The following SEMA6D variants were observed in gnomAD, a reference collection of about 807,000 sequenced individuals.
The protein encoded by SEMA6D is semaphorin 6D.
SEMA6D carries 35 observed loss-of-function variants against 106.6 expected under a neutral mutation model. That is an observed-to-expected ratio of 0.33 (90% CI 0.25 to 0.44). The LOEUF is 0.44. SEMA6D is among the 20% of genes least tolerant of loss of function. The pLI, the probability that SEMA6D is intolerant of heterozygous loss-of-function variation, is 1.00. For synonymous variants in SEMA6D, 499 were observed against 487.7 expected (o/e 1.02, Z -0.31); for missense variants, 1,185 against 1,345.9 (o/e 0.88, Z 1.87).
At position 47,771,616 on chromosome 15, in the gene SEMA6D, G is replaced by GT. The variant is rs1182196746; in HGVS notation, c.3054dup (p.Val1019CysfsTer16). The stretch of plus-strand genomic sequence containing the variant: ...GACTATATTCAGGGAACACCAGTGA[G>GT]TGTTCATCTGCAGCCTTCCCTCTCC... On this transcript the variant is annotated frameshift_variant, in exon 19 of 19. Coordinates refer to ENST00000536845, the MANE Select transcript of SEMA6D (RefSeq NM_001358351.3). LOFTEE classifies it high-confidence loss of function. 3 of 1,614,020 alleles carry GT rather than the reference G, an allele frequency of 1.9e-6. No individual in the cohort carries two copies. In the African/African-American group the frequency reaches 4.0e-5, roughly 22 times the overall value.
At chr15:47,221,514 T>C (rs1357853823) in intron 1 of SEMA6D, among the ~76,000 whole-genome samples, 1 of 152,116 alleles carries the variant, frequency 6.6e-6, no homozygotes, top group Non-Finnish European at 1.5e-5. Flanking sequence ...ATGACATCTG[T>C]AAATGGAAAA....
chr15:47,316,102 C>CTTTTTTTTT (rs67090828), intron 1 of SEMA6D, among the ~76,000 whole-genome samples: 3,783 of 81,422 alleles, frequency 0.046, 522 homozygotes, highest in Non-Finnish European at 0.059. Flanking sequence ...CATTTATTTC[C>CTTTTTTTTT]TTTTTTTTGA....
intron 1 of SEMA6D, among the ~76,000 whole-genome samples, chr15:47,411,131 T>G (rs1402242600): frequency 5.3e-5 from 8 of 152,076 alleles, no homozygotes; most frequent in Non-Finnish European, 1.5e-5. Flanking sequence ...AGTCTCACTC[T>G]GTTGCCCAGG....
chr15:47,270,388 A>G (rs141584108), intron 1 of SEMA6D, among the ~76,000 whole-genome samples: 1 of 152,018 alleles, frequency 6.6e-6, no homozygotes, highest in African/African-American at 2.4e-5. Context: ...AGGATTTTCT[A>G]CATAGATAAT....
chr15:47,516,499 T>C (rs1432463123), intron 3 of SEMA6D, among the ~76,000 whole-genome samples: 1 of 152,148 alleles, frequency 6.6e-6, no homozygotes, highest in Non-Finnish European at 1.5e-5. Flanking sequence ...AAAGCCTAAT[T>C]TATTATCTGA....
intron 4 of SEMA6D, among the ~76,000 whole-genome samples, chr15:47,695,129 A>G (rs2078672079): frequency 6.6e-6 from 1 of 152,214 alleles, no homozygotes. Context: ...TGGTGGGCCC[A>G]CTTAATGAAG....
chr15:47,402,828 T>C (rs1723874886), intron 1 of SEMA6D, among the ~76,000 whole-genome samples: 1 of 149,100 alleles, frequency 6.7e-6, no homozygotes, highest in Non-Finnish European at 1.5e-5. Context: ...AAAGCGTCAA[T>C]AAATGTTTGA....
At chr15:47,733,503 T>C (rs377245467) in intron 1 of SEMA6D, among the ~76,000 whole-genome samples, 4 of 152,344 alleles carry the variant, frequency 2.6e-5, no homozygotes, top group South Asian at 4.1e-4. Context: ...TCAGGCTTCA[T>C]TGAATACGAG....
intron 1 of SEMA6D, among the ~76,000 whole-genome samples, chr15:47,227,905 A>C (rs902958809): frequency 4.9e-5 from 7 of 142,608 alleles, no homozygotes; most frequent in African/African-American, 1.7e-4. Context: ...TATATATAAG[A>C]ATCTTATATA....
chr15:47,481,539 A>G (rs971132966), intron 3 of SEMA6D, among the ~76,000 whole-genome samples: 1 of 152,160 alleles, frequency 6.6e-6, no homozygotes, highest in African/African-American at 2.4e-5. Context: ...TTCAAGATTG[A>G]TGGATACAAG....
chr15:47,690,694 C>G (rs1385569845), intron 4 of SEMA6D, among the ~76,000 whole-genome samples: 1 of 152,188 alleles, frequency 6.6e-6, no homozygotes, highest in Non-Finnish European at 1.5e-5. Flanking sequence ...GAGTCCCCAA[C>G]TTACACGCAA....
chr15:47,547,109 G>A (rs992414888), intron 3 of SEMA6D, among the ~76,000 whole-genome samples: 4 of 151,828 alleles, frequency 2.6e-5, no homozygotes, highest in Admixed American at 1.3e-4. Context: ...TTAAATCAAC[G>A]TATACATACA....
chr15:47,505,170 A>C (rs544161555), intron 3 of SEMA6D, among the ~76,000 whole-genome samples: 1 of 152,174 alleles, frequency 6.6e-6, no homozygotes, highest in South Asian at 2.1e-4. Context: ...AAGGACCATA[A>C]ATATGCTCTT....
intron 4 of SEMA6D, among the ~76,000 whole-genome samples, chr15:47,649,120 C>G (rs74014037): frequency 0.021 from 3,127 of 152,160 alleles, 96 homozygotes; most frequent in South Asian, 0.063. Flanking sequence ...AAGGTCCTTC[C>G]TGCAGCTCTA....
rs560438112 is a variant in SEMA6D at position 47,672,908 on chromosome 15, A to G, written c.-55+72012A>G. Among the ~76,000 whole-genome samples the G allele has an allele frequency of 2.0e-5, 3 of 152,328 alleles. No individual in the cohort carries two copies. In the South Asian group the frequency reaches 6.2e-4, roughly 32 times the overall value. On this transcript the variant is annotated intron_variant, in intron 4 of 19. Transcript: ENST00000558014. ...TGGAAATGTTCCTAAAATTTTTACA[A>G]ATTGGTTGGGTTACCCAAAAGGCAA...
chr15:47,351,304 T>A (rs76210360), intron 1 of SEMA6D, among the ~76,000 whole-genome samples: 1,687 of 152,304 alleles, frequency 0.011, 13 homozygotes, highest in Non-Finnish European at 0.014. Context: ...TACCACTACT[T>A]ATTGTAAACT....
chr15:47,430,448 G>A (rs2041485227), intron 2 of SEMA6D, among the ~76,000 whole-genome samples: 1 of 151,738 alleles, frequency 6.6e-6, no homozygotes, highest in Non-Finnish European at 1.5e-5. Context: ...GGCAGGTCTG[G>A]GAAAAATAAT....
At chr15:47,349,042 C>T (rs945511562) in intron 1 of SEMA6D, among the ~76,000 whole-genome samples, 8 of 151,988 alleles carry the variant, frequency 5.3e-5, no homozygotes, top group African/African-American at 1.4e-4. Flanking sequence ...GGGACCAGGG[C>T]ATCCATGGGC....
intron 3 of SEMA6D, chr15:47,581,380 C>A: frequency 2.0e-6 from 1 of 493,424 alleles, no homozygotes; most frequent in South Asian, 1.5e-5. Context: ...GCCAAATAAA[C>A]AAGATAATTC....
Sources: gnomAD v4.1 joint callset for allele counts (sites outside exome capture counted in the v4.1 genomes callset) on GRCh38, gnomAD v4.1.1 for gene constraint, MANE v1.5 for transcripts, NCBI Gene and HGNC (gene_info 2026-07-23, HGNC 2026-07-21) for gene names.